The following STXBP4 variants were observed in gnomAD, a reference collection of about 807,000 sequenced individuals.
The protein encoded by STXBP4 is syntaxin binding protein 4.
A neutral mutation model predicts 76.1 loss-of-function variants in STXBP4; 55 were observed. The observed-to-expected ratio is 0.72, with a 90% CI of 0.58 to 0.91. STXBP4 has a LOEUF of 0.91. Ranked by LOEUF, STXBP4 falls within the 40% of genes least tolerant of loss-of-function variation. The pLI is 0.00. For synonymous variants in STXBP4, 201 were observed against 220.2 expected (o/e 0.91, Z 0.77); for missense variants, 618 against 636.9 (o/e 0.97, Z 0.32).
At chr17:55,035,284 T>G (rs1320221226) in intron 10 of STXBP4, among the ~76,000 whole-genome samples, 1 of 151,938 alleles carries the variant, frequency 6.6e-6, no homozygotes, top group Non-Finnish European at 1.5e-5. Context: ...TACATATATT[T>G]TTAAAAGAAA....
At chr17:55,175,009 G>A (rs759498405), downstream of STXBP4, among the ~76,000 whole-genome samples, 12 of 151,184 alleles carry the variant, frequency 7.9e-5, no homozygotes, top group Non-Finnish European at 1.0e-4. Context: ...GCGACAGAGC[G>A]AGACTCCATC....
chr17:54,992,858 G>A lies in STXBP4; in HGVS notation c.180+1901G>A, dbSNP rs114136071. On this transcript the variant is annotated intron_variant, in intron 4 of 17. Transcript: ENST00000376352. ...TTCCCTAGTAGCTGGGATTACAGGT[G>A]CGTGCCAACACACCTAACTAATTTT... 7.0e-3 allele frequency among the ~76,000 whole-genome samples: 1,058 copies of A among 151,882 alleles called. 14 individuals are homozygous for A. Among genetic ancestry groups the A allele is most frequent in the African/African-American group, 0.024 (999 of 41,402 alleles).
intron 16 of STXBP4, 71 bp from the exon 17 acceptor site, chr17:55,141,239 G>A (rs1244368914): frequency 8.1e-7 from 1 of 1,239,086 alleles, no homozygotes; most frequent in Non-Finnish European, 1.2e-6. Flanking sequence ...AGATGAGGGA[G>A]GTTTGTGTCC....
At chr17:55,137,262 A>C (rs1598343138) in intron 16 of STXBP4, among the ~76,000 whole-genome samples, 10 of 148,076 alleles carry the variant, frequency 6.8e-5, no homozygotes, top group South Asian at 2.2e-4. Flanking sequence ...ATCTCCCCCC[A>C]CACCTCCATG....
intron 3 of STXBP4, among the ~76,000 whole-genome samples, chr17:54,988,646 G>A (rs951185047): frequency 1.3e-5 from 2 of 152,062 alleles, no homozygotes; most frequent in South Asian, 4.1e-4. Flanking sequence ...GTGGTAGCAC[G>A]CACCTGTAAT....
intron 16 of STXBP4, among the ~76,000 whole-genome samples, chr17:55,096,761 G>A (rs1478739121): frequency 6.6e-6 from 1 of 152,038 alleles, no homozygotes; most frequent in Non-Finnish European, 1.5e-5. Flanking sequence ...ACATAAAAAG[G>A]TAATAATAAA....
At chr17:55,000,692 T>C (rs570167519) in intron 6 of STXBP4, 116 bp from the exon 7 acceptor site, 2 of 759,164 alleles carry the variant, frequency 2.6e-6, no homozygotes, top group South Asian at 3.3e-5. Flanking sequence ...TTTTAGAGGT[T>C]TCATATTTGA....
At chr17:54,976,211 T>C (rs902487999) in intron 1 of STXBP4, among the ~76,000 whole-genome samples, 2 of 152,226 alleles carry the variant, frequency 1.3e-5, no homozygotes, top group Non-Finnish European at 2.9e-5. Flanking sequence ...TGAGCTGTTG[T>C]GCTGATGAAG....
At chr17:55,068,218 A>G (rs1251664237) in intron 12 of STXBP4, among the ~76,000 whole-genome samples, 1 of 152,130 alleles carries the variant, frequency 6.6e-6, no homozygotes, top group Non-Finnish European at 1.5e-5. Context: ...GGGCTTTCCA[A>G]AGAGTGGATG....
rs150661019 is a variant in STXBP4, at chr17:55,052,788, A to G, written c.1011+5634A>G. Among the ~76,000 whole-genome samples the G allele has an allele frequency of 3.3e-3, 501 of 151,880 alleles. 2 individuals carry two copies. The highest frequency in any genetic ancestry group is 0.011 in the African/African-American group (462 of 41,440). On this transcript the variant is annotated intron_variant, in intron 12 of 17. Coordinates refer to ENST00000376352, the MANE Select transcript of STXBP4 (RefSeq NM_178509.6). ...CAAATATGATGCCCAAAAAATGACT[A>G]CAACATCACCTGTGTAATTTTCTGG...
Position 55,047,135 on chromosome 17 carries a change from A to G in STXBP4, c.992A>G (p.Glu331Gly). The change falls in exon 12 of 18, where the codon GAG (glutamate) becomes GGG (glycine). Residue 331 changes from glutamate to glycine, a missense_variant. Coordinates refer to ENST00000376352, the MANE Select transcript of STXBP4 (RefSeq NM_178509.6). ...SDKQRKQLTE[E>G]LQNVKQEAKA... is the part of the protein sequence containing the mutation. ...AAGCAAAGGAAACAATTGACAGAAG[A>G]GCTCCAGAATGTGAAACAAGTAAGT... The G allele has an allele frequency of 6.2e-7, 1 of 1,607,836 alleles. No individual in the cohort carries two copies. Among genetic ancestry groups the G allele is most frequent in the Non-Finnish European group, 8.5e-7 (1 of 1,175,478 alleles).
the STXBP4 span, among the ~76,000 whole-genome samples, chr17:55,189,205 G>T: frequency 1.6e-4 from 25 of 152,220 alleles, no homozygotes; most frequent in African/African-American, 5.8e-4. Flanking sequence ...AAAAAACCAA[G>T]TAAAACATTA....
intron 17 of STXBP4, among the ~76,000 whole-genome samples, chr17:55,144,005 G>GCGCGCA (rs373154905): frequency 1.2e-4 from 16 of 138,938 alleles, no homozygotes; most frequent in Middle Eastern, 3.8e-3. Flanking sequence ...AAAGCCACCT[G>GCGCGCA]CACACACACA....
chr17:55,065,527 A>G (rs1031591888), intron 12 of STXBP4, among the ~76,000 whole-genome samples: 8 of 152,168 alleles, frequency 5.3e-5, no homozygotes, highest in African/African-American at 1.2e-4. Flanking sequence ...CCATTTTTCA[A>G]TGAAAAGAGT....
intron 10 of STXBP4, among the ~76,000 whole-genome samples, chr17:55,037,140 G>A (rs1252707039): frequency 2.6e-5 from 4 of 152,048 alleles, no homozygotes; most frequent in Admixed American, 6.6e-5. Context: ...TAATTTTGTC[G>A]CATTTATTCA....
the STXBP4 span, among the ~76,000 whole-genome samples, chr17:55,189,113 G>T: frequency 1.3e-5 from 2 of 151,990 alleles, no homozygotes; most frequent in Non-Finnish European, 2.9e-5. Flanking sequence ...TCCCCTTTGC[G>T]TGCTCAGTAC....
At chr17:55,128,387 C>T (rs971006642) in intron 16 of STXBP4, among the ~76,000 whole-genome samples, 3 of 141,792 alleles carry the variant, frequency 2.1e-5, no homozygotes, top group African/African-American at 8.1e-5. Context: ...GATTTTAACC[C>T]GTTGTACCAG....
At chr17:55,179,960 A>G in the STXBP4 span, among the ~76,000 whole-genome samples, 2 of 152,162 alleles carry the variant, frequency 1.3e-5, no homozygotes, top group Non-Finnish European at 1.5e-5. Context: ...AAAATATTCC[A>G]TGGAATTTTC....
intron 1 of STXBP4, among the ~76,000 whole-genome samples, chr17:54,984,011 G>T (rs2077587944): frequency 6.6e-6 from 1 of 152,046 alleles, no homozygotes; most frequent in Non-Finnish European, 1.5e-5. Context: ...TTGTGGCTTG[G>T]TGGCTTCATT....
Sources: allele counts gnomAD v4.1 joint callset (sites outside exome capture counted in the v4.1 genomes callset), GRCh38; gene constraint gnomAD v4.1.1; transcripts MANE v1.5; gene names NCBI Gene and HGNC (gene_info 2026-07-23, HGNC 2026-07-21).